Variants in RAPGEF5 observed in about 807,000 individuals in gnomAD.
RAPGEF5 encodes M-Ras-regulated GEF.
In RAPGEF5, 65 loss-of-function variants were observed where a neutral mutation model predicts 125.2. The ratio of observed to expected loss-of-function variants is 0.52; its 90% CI spans 0.43 to 0.64. RAPGEF5 has a LOEUF of 0.64. RAPGEF5 is among the 30% of genes least tolerant of loss of function. The pLI, the probability that RAPGEF5 is intolerant of heterozygous loss-of-function variation, is 0.00. For missense variants in RAPGEF5, 958 were observed against 1,048.1 expected, an observed-to-expected ratio of 0.91 and a Z score of 1.19; for synonymous variants, 391 against 385.9, an observed-to-expected ratio of 1.01 and a Z score of -0.16.
chr7:22,148,413 TA>T (rs1783513606), intron 18 of RAPGEF5, among the ~76,000 whole-genome samples: 1 of 152,234 alleles, frequency 6.6e-6, no homozygotes, highest in African/African-American at 2.4e-5. Context: ...CAAGGAACAT[TA>T]AATTTTTCTA....
intron 6 of RAPGEF5, among the ~76,000 whole-genome samples, chr7:22,275,129 C>A (rs1766934952): frequency 6.6e-6 from 1 of 152,294 alleles, no homozygotes; most frequent in Non-Finnish European, 1.5e-5. Context: ...CACTTACTTA[C>A]CCTTCAGATC....
intron 4 of RAPGEF5, among the ~76,000 whole-genome samples, chr7:22,309,283 C>A (rs954060374): frequency 3.9e-5 from 6 of 152,170 alleles, no homozygotes; most frequent in Non-Finnish European, 8.8e-5. Flanking sequence ...AAGAAGATTA[C>A]ACCCACGTCC....
intron 13 of RAPGEF5, among the ~76,000 whole-genome samples, chr7:22,161,374 C>T (rs980412321): frequency 1.3e-5 from 2 of 151,962 alleles, no homozygotes; most frequent in East Asian, 1.9e-4. Flanking sequence ...TCTATCTCTA[C>T]TAAAAAGAAA....
chr7:22,295,019 T>C (rs1021495434), intron 5 of RAPGEF5, among the ~76,000 whole-genome samples: 2 of 152,250 alleles, frequency 1.3e-5, no homozygotes, highest in Non-Finnish European at 2.9e-5. Flanking sequence ...TGCTGTACAT[T>C]AGACCTCCAG....
chr7:22,316,015 A>G (rs1028024456), intron 2 of RAPGEF5, among the ~76,000 whole-genome samples: 1 of 152,198 alleles, frequency 6.6e-6, no homozygotes, highest in African/African-American at 2.4e-5. Context: ...AATTCCAAGC[A>G]TCCGGTTTCA....
Position 22,119,550 on chromosome 7 carries a change from G to T in RAPGEF5, c.*2856C>A, listed in dbSNP as rs1019142951. The T allele has an allele frequency of 1.3e-5, 2 of 152,228 alleles. No individual in the cohort carries two copies. Among genetic ancestry groups the T allele is most frequent in the East Asian group, 1.9e-4 (1 of 5,178 alleles). 9.4% of individuals were successfully genotyped at this position (152,228 alleles called of 1,614,324 possible). A position where few individuals can be genotyped will look rare whatever the true frequency, so the allele number is the denominator to read the frequency against. The stretch of plus-strand genomic sequence containing the variant: ...GCAAGGTTGTGATTTTGCCTACGGG[G>T]TCCTGCATTCTGCTGTCTTGTGCTA... On this transcript the variant is annotated 3_prime_UTR_variant, in exon 26 of 26. Coordinates refer to ENST00000665637, the MANE Select transcript of RAPGEF5 (RefSeq NM_012294.5). This position sits in a 1 kb window ranked among gnomAD's most constrained non-coding sequence, Gnocchi z 4.1.
chr7:22,124,121 G>C (rs1337379173), intron 25 of RAPGEF5, among the ~76,000 whole-genome samples: 1 of 152,164 alleles, frequency 6.6e-6, no homozygotes, highest in Non-Finnish European at 1.5e-5. Flanking sequence ...CTGATGAGTG[G>C]GAGGTTCAAG....
At position 22,229,011 on chromosome 7, in the gene RAPGEF5, C is replaced by T. The variant is rs539489668; in HGVS notation, c.870+1835G>A. ...TATCTCCATTTTGCAGAGATGAAAA[C>T]CATGCATGCTAGGTACTGTCTAGCA... On this transcript the variant is annotated intron_variant, in intron 8 of 25. Coordinates refer to ENST00000665637, the MANE Select transcript of RAPGEF5 (RefSeq NM_012294.5). Among the ~76,000 whole-genome samples the T allele has an allele frequency of 5.6e-4, 85 of 152,148 alleles. 2 individuals are homozygous for T. In the South Asian group the frequency reaches 0.017, roughly 31 times the overall value.
chr7:22,256,117 G>A (rs1317355457), intron 7 of RAPGEF5, among the ~76,000 whole-genome samples: 1 of 152,048 alleles, frequency 6.6e-6, no homozygotes, highest in Non-Finnish European at 1.5e-5. Flanking sequence ...TGCTTGTGTG[G>A]GGTTGACTTG....
chr7:22,259,269 G>C (rs78753616), intron 7 of RAPGEF5, among the ~76,000 whole-genome samples: 2 of 152,258 alleles, frequency 1.3e-5, no homozygotes, highest in African/African-American at 4.8e-5. Context: ...TGTCATTAGG[G>C]AATTGTGAAT....
At position 22,237,648 on chromosome 7, in the gene RAPGEF5, G is replaced by A. The variant is rs1786227580; in HGVS notation, c.797-6729C>T. Reference sequence around the variant, plus strand: ...TAGCCCCTAGTTTTAGTTGGTCAGGGAAATGGATTTGAGACTGAGCTCCCA... The same window carrying A: ...TAGCCCCTAGTTTTAGTTGGTCAGGAAAATGGATTTGAGACTGAGCTCCCA... On this transcript the variant is annotated intron_variant, in intron 7 of 25. Transcript: ENST00000665637. Among the ~76,000 whole-genome samples the A allele has an allele frequency of 2.0e-5, 3 of 152,206 alleles. No homozygotes were observed. In the South Asian group the frequency reaches 6.2e-4, roughly 32 times the overall value.
intron 20 of RAPGEF5, 22 bp from the exon 21 acceptor site, chr7:22,140,137 A>G (rs1783209895): frequency 6.5e-7 from 1 of 1,533,310 alleles, no homozygotes. Context: ...AAGAGAGTAG[A>G]GGACACTTTG....
intron 1 of RAPGEF5, among the ~76,000 whole-genome samples, chr7:22,350,178 A>C (rs1024225824): frequency 3.9e-5 from 6 of 152,198 alleles, no homozygotes; most frequent in African/African-American, 1.4e-4. Context: ...ACAAGCGCTC[A>C]AAGTCACTAC....
At chr7:22,194,169 T>C in intron 9 of RAPGEF5, 136 bp from the exon 10 acceptor site, 3 of 774,664 alleles carry the variant, frequency 3.9e-6, no homozygotes, top group South Asian at 3.9e-5. Context: ...AGATTGAGAA[T>C]AAATTAGGAG....
intron 23 of RAPGEF5, among the ~76,000 whole-genome samples, chr7:22,132,275 T>G (rs1393975386): frequency 6.6e-6 from 1 of 152,140 alleles, no homozygotes; most frequent in Admixed American, 6.5e-5. Context: ...TGACAATAGT[T>G]ACACAGTTAC....
chr7:22,212,723 C>T (rs1785539392), intron 9 of RAPGEF5, among the ~76,000 whole-genome samples: 1 of 152,112 alleles, frequency 6.6e-6, no homozygotes, highest in African/African-American at 2.4e-5. Context: ...TCTAGTGTTG[C>T]CTGATCAGAC....
intron 6 of RAPGEF5, among the ~76,000 whole-genome samples, chr7:22,268,865 TCCCA>T (rs1173274018): frequency 1.3e-5 from 2 of 152,068 alleles, no homozygotes; most frequent in Non-Finnish European, 2.9e-5. Context: ...AGGATTATAT[TCCCA>T]CCACTGTATA....
At position 22,119,635 on chromosome 7, in the gene RAPGEF5, C is replaced by CTT. The variant is rs1782522824; in HGVS notation, c.*2770_*2771insAA. 6.6e-6 allele frequency: 1 copy of CTT among 152,206 alleles called. No individual in the cohort carries two copies. The highest frequency in any genetic ancestry group is 2.4e-5 in the African/African-American group (1 of 41,456). 9.4% of individuals were successfully genotyped at this position (152,206 alleles called of 1,614,324 possible). On this transcript the variant is annotated 3_prime_UTR_variant, in exon 26 of 26. Coordinates refer to ENST00000665637, the MANE Select transcript of RAPGEF5 (RefSeq NM_012294.5). This position sits in a 1 kb window ranked among gnomAD's most constrained non-coding sequence, Gnocchi z 4.1. ...CGAATCCAAAGACCCACAGGACTGT[C>CTT]TGAGAGTTGTGCTGTAACAAAAAGA...
chr7:22,168,494 A>G (rs1336736902), intron 11 of RAPGEF5, among the ~76,000 whole-genome samples: 1 of 152,156 alleles, frequency 6.6e-6, no homozygotes, highest in East Asian at 1.9e-4. Context: ...CATACACTCA[A>G]TAGTGCTTAT....
Sources: gnomAD v4.1 joint callset for allele counts (sites outside exome capture counted in the v4.1 genomes callset) on GRCh38, gnomAD v4.1.1 for gene constraint, Gnocchi (gnomAD v3.1) non-coding constraint, MANE v1.5 for transcripts, NCBI Gene and HGNC (gene_info 2026-07-23, HGNC 2026-07-21) for gene names.